VTI1A: variants seen among roughly 807,000 people sequenced by gnomAD.
VTI1A encodes vesicle transport through interaction with t-SNAREs 1A.
Under a neutral mutation model 34.9 loss-of-function variants are expected in VTI1A, and 22 were observed. The observed-to-expected ratio is 0.63, with a 90% CI of 0.45 to 0.90. VTI1A has a LOEUF of 0.90. Among genes scored for constraint, VTI1A ranks in the 40% least tolerant of loss-of-function variants. The probability of loss-of-function intolerance (pLI) is 0.00; values close to 1 mark genes in which losing one functional copy is unlikely to be tolerated. For missense variants in VTI1A, 268 were observed against 275.6 expected (o/e 0.97, Z 0.20); for synonymous variants, 87 against 97.3 (o/e 0.89, Z 0.62).
At chr10:112,574,381 T>G (rs988284641) in intron 5 of VTI1A, among the ~76,000 whole-genome samples, 1 of 152,366 alleles carries the variant, frequency 6.6e-6, no homozygotes, top group East Asian at 1.9e-4. Context: ...ATTTTTAAAT[T>G]TGAACCAGCA....
chr10:112,507,320 G>A (rs1849465178), intron 3 of VTI1A, among the ~76,000 whole-genome samples: 1 of 152,082 alleles, frequency 6.6e-6, no homozygotes, highest in Non-Finnish European at 1.5e-5. Flanking sequence ...TGGGTCTCTG[G>A]CAAGTTCCGT....
At chr10:112,776,251 C>A (rs946092709) in intron 7 of VTI1A, among the ~76,000 whole-genome samples, 3 of 152,186 alleles carry the variant, frequency 2.0e-5, no homozygotes, top group Non-Finnish European at 2.9e-5. Flanking sequence ...GTGCTGAGGA[C>A]TATTTGAAAG....
At chr10:112,839,039 G>T in the VTI1A span, among the ~76,000 whole-genome samples, 1 of 152,166 alleles carries the variant, frequency 6.6e-6, no homozygotes, top group East Asian at 1.9e-4. Flanking sequence ...CAAGGAGGGG[G>T]CCATGGGCAG....
At position 112,496,185 on chromosome 10, in the gene VTI1A, A is replaced by ACCCCCCC. The variant is rs66554158; in HGVS notation, c.265-30892_265-30886dup. Among the ~76,000 whole-genome samples, 269 of 27,782 alleles carry ACCCCCCC rather than the reference A, an allele frequency of 9.7e-3. 1 individual carries two copies. Among genetic ancestry groups the ACCCCCCC allele is most frequent in the Non-Finnish European group, 0.012 (180 of 15,200 alleles). The allele number at this position is 27,782 out of a possible 152,430, so 18.2% of individuals were successfully genotyped here. A position where few individuals can be genotyped will look rare whatever the true frequency, so the allele number is the denominator to read the frequency against. Reference sequence around the variant, plus strand: ...AAGACCAGCATAGGCAAATGGGGAGACCCCCCCCCCCCCCCCGCCGTCTCT... The same window carrying ACCCCCCC: ...AAGACCAGCATAGGCAAATGGGGAGACCCCCCCCCCCCCCCCCCCCCCCGCCGTCTCT... On this transcript the variant is annotated intron_variant, in intron 3 of 7. Coordinates refer to ENST00000393077, the MANE Select transcript of VTI1A (RefSeq NM_145206.4).
chr10:112,506,449 T>C (rs909170174), intron 3 of VTI1A, among the ~76,000 whole-genome samples: 1 of 152,096 alleles, frequency 6.6e-6, no homozygotes, highest in African/African-American at 2.4e-5. Context: ...TACTATGCCA[T>C]TTTGTGTTAT....
chr10:112,715,734 C>T (rs1849587038), intron 7 of VTI1A, among the ~76,000 whole-genome samples: 1 of 152,168 alleles, frequency 6.6e-6, no homozygotes, highest in African/African-American at 2.4e-5. Flanking sequence ...GGATGAAAAG[C>T]AACTGTTCCT....
intron 5 of VTI1A, among the ~76,000 whole-genome samples, chr10:112,666,618 A>G (rs1477316455): frequency 6.6e-6 from 1 of 152,108 alleles, no homozygotes; most frequent in Non-Finnish European, 1.5e-5. Context: ...ACATGCCTTT[A>G]TATGGTACCC....
chr10:112,585,423 AT>A (rs1267013336), intron 5 of VTI1A, among the ~76,000 whole-genome samples: 1 of 152,192 alleles, frequency 6.6e-6, no homozygotes, highest in Non-Finnish European at 1.5e-5. Context: ...ACATCTGAAC[AT>A]TCTTAACTGA....
intron 2 of VTI1A, among the ~76,000 whole-genome samples, chr10:112,462,772 G>A (rs1847767139): frequency 6.6e-6 from 1 of 152,196 alleles, no homozygotes; most frequent in South Asian, 2.1e-4. Context: ...GGTTTTATTA[G>A]TGATAAGCTG....
intron 5 of VTI1A, among the ~76,000 whole-genome samples, chr10:112,663,557 T>A (rs1192299054): frequency 6.6e-6 from 1 of 152,232 alleles, no homozygotes; most frequent in African/African-American, 2.4e-5. Flanking sequence ...TTGAAAGAAC[T>A]CTCTTTTCCA....
chr10:112,544,337 C>G (rs770064334), intron 5 of VTI1A, among the ~76,000 whole-genome samples: 46 of 152,112 alleles, frequency 3.0e-4, no homozygotes. Context: ...TCAAGTGATT[C>G]TCCTACCTCA....
At chr10:112,651,821 A>C (rs1847033965) in intron 5 of VTI1A, among the ~76,000 whole-genome samples, 1 of 152,244 alleles carries the variant, frequency 6.6e-6, no homozygotes, top group Non-Finnish European at 1.5e-5. Flanking sequence ...GTTGAAATAG[A>C]GAGATGGGAA....
chr10:112,679,305 C>A (rs1848135054), intron 7 of VTI1A, among the ~76,000 whole-genome samples: 1 of 152,124 alleles, frequency 6.6e-6, no homozygotes, highest in South Asian at 2.1e-4. Flanking sequence ...AGAAAGAATT[C>A]TTTTCTTTTA....
intron 3 of VTI1A, among the ~76,000 whole-genome samples, chr10:112,495,832 T>G (rs1848998394): frequency 6.6e-6 from 1 of 152,316 alleles, no homozygotes; most frequent in South Asian, 2.1e-4. Context: ...TAGAGTTCAA[T>G]TCAATGACTT....
intron 5 of VTI1A, among the ~76,000 whole-genome samples, chr10:112,549,615 A>G (rs1851269428): frequency 6.6e-6 from 1 of 152,202 alleles, no homozygotes. Flanking sequence ...TTGTCTATAG[A>G]AATATTAAAC....
chr10:112,816,383 T>C lies in VTI1A; in HGVS notation c.*1000T>C, dbSNP rs542889758. Reference sequence around the variant, plus strand: ...GTCCTATAGGAGGGTCCACCAGAGATAAACTTCACGGAAAACGTTCCCTAA... The same window carrying C: ...GTCCTATAGGAGGGTCCACCAGAGACAAACTTCACGGAAAACGTTCCCTAA... On this transcript the variant is annotated 3_prime_UTR_variant, in exon 8 of 8. Transcript: ENST00000393077. The C allele has an allele frequency of 1.3e-4, 30 of 223,414 alleles. No homozygotes were observed. The highest frequency in any genetic ancestry group is 6.0e-4 in the African/African-American group (27 of 44,938). 13.8% of individuals were successfully genotyped at this position (223,414 alleles called of 1,614,324 possible). A position where few individuals can be genotyped will look rare whatever the true frequency, so the allele number is the denominator to read the frequency against.
At chr10:112,660,011 G>A (rs1847384524) in intron 5 of VTI1A, among the ~76,000 whole-genome samples, 1 of 152,154 alleles carries the variant, frequency 6.6e-6, no homozygotes, top group African/African-American at 2.4e-5. Flanking sequence ...TTATTCTGGG[G>A]GCAGGATGGG....
intron 5 of VTI1A, among the ~76,000 whole-genome samples, chr10:112,609,273 AG>A (rs955285282): frequency 5.3e-5 from 8 of 152,206 alleles, no homozygotes; most frequent in Non-Finnish European, 1.0e-4. Flanking sequence ...TTCTAAGAAA[AG>A]GAAGCAAGTA....
At chr10:112,588,088 A>G (rs1844230073) in intron 5 of VTI1A, among the ~76,000 whole-genome samples, 1 of 152,180 alleles carries the variant, frequency 6.6e-6, no homozygotes, top group African/African-American at 2.4e-5. Context: ...TGGGGCTTTT[A>G]AAGGAGCTTG....
Sources: gnomAD v4.1 joint callset for allele counts (sites outside exome capture counted in the v4.1 genomes callset) on GRCh38, gnomAD v4.1.1 for gene constraint, MANE v1.5 for transcripts, NCBI Gene and HGNC (gene_info 2026-07-23, HGNC 2026-07-21) for gene names.